DNAH9: variants seen among roughly 807,000 people sequenced by gnomAD.
DNAH9 encodes DNAH9 variant protein.
A neutral mutation model predicts 471.6 loss-of-function variants in DNAH9; 345 were observed. The ratio of observed to expected loss-of-function variants is 0.73; its 90% CI spans 0.67 to 0.80. The LOEUF (loss-of-function observed/expected upper bound fraction) is 0.80, where lower values mean the gene tolerates loss of function less well. DNAH9 is among the 30% of genes least tolerant of loss of function. DNAH9 has a pLI of 0.00. For synonymous variants in DNAH9, 2,093 were observed against 2,123.6 expected (o/e 0.99, Z 0.40); for missense variants, 5,407 against 5,609.2 (o/e 0.96, Z 1.15).
intron 12 of DNAH9, among the ~76,000 whole-genome samples, chr17:11,648,685 A>G (rs1299206800): frequency 6.6e-6 from 1 of 152,126 alleles, no homozygotes; most frequent in Non-Finnish European, 1.5e-5. Context: ...GAGGGAGGAA[A>G]GAAGAAAAAG....
chr17:11,896,819 G>T (rs764863858), intron 59 of DNAH9, among the ~76,000 whole-genome samples: 1 of 152,176 alleles, frequency 6.6e-6, no homozygotes, highest in Non-Finnish European at 1.5e-5. Context: ...GACTGGGCAC[G>T]GTGGCTCACG....
chr17:11,678,407 C>G (rs1053680959), intron 17 of DNAH9, among the ~76,000 whole-genome samples: 1 of 152,194 alleles, frequency 6.6e-6, no homozygotes, highest in Non-Finnish European at 1.5e-5. Context: ...TAGTAAAGGT[C>G]TATTGATGAA....
At chr17:11,773,328 A>C (rs969669672) in intron 38 of DNAH9, among the ~76,000 whole-genome samples, 2 of 152,174 alleles carry the variant, frequency 1.3e-5, no homozygotes, top group East Asian at 3.9e-4. Flanking sequence ...ATGTGTCTGT[A>C]ATGGTAAAAG....
chr17:11,651,745 G>A (rs975405975), intron 13 of DNAH9, among the ~76,000 whole-genome samples: 9 of 152,086 alleles, frequency 5.9e-5, no homozygotes, highest in South Asian at 2.1e-4. Context: ...TGATTAATAC[G>A]CGCAGGGTAC....
At chr17:11,793,343 C>G (rs902024663) in intron 41 of DNAH9, among the ~76,000 whole-genome samples, 160 bp from the exon 42 acceptor site, 1 of 152,128 alleles carries the variant, frequency 6.6e-6, no homozygotes, top group Non-Finnish European at 1.5e-5. Flanking sequence ...TACAAGCTCC[C>G]TTTCAGCTTC....
chr17:11,767,734 T>G (rs2150875551), intron 36 of DNAH9, among the ~76,000 whole-genome samples: 1 of 152,170 alleles, frequency 6.6e-6, no homozygotes, highest in African/African-American at 2.4e-5. Context: ...AATAAGATGG[T>G]TTGAGTACAC....
chr17:11,833,509 G>A (rs1970740374), intron 48 of DNAH9, among the ~76,000 whole-genome samples: 1 of 152,156 alleles, frequency 6.6e-6, no homozygotes, highest in Non-Finnish European at 1.5e-5. Context: ...CTGGAAGTCT[G>A]ATGTTCTATG....
chr17:11,905,659 A>G lies in DNAH9; in HGVS notation c.11601-2A>G. The G allele has an allele frequency of 6.2e-7, 1 of 1,611,772 alleles. No individual in the cohort carries two copies. The highest frequency in any genetic ancestry group is 8.5e-7 in the Non-Finnish European group (1 of 1,179,344). On this transcript the variant is annotated splice_acceptor_variant, in intron 60 of 68. Coordinates refer to ENST00000262442, the MANE Select transcript of DNAH9 (RefSeq NM_001372.4). LOFTEE classifies it high-confidence loss of function. The stretch of plus-strand genomic sequence containing the variant: ...AATCTATATGTGCTTTTTTTCTGGC[A>G]GAGATTTTGTTGAAGAGAAGTTAGG...
At chr17:11,692,190 C>G (rs995297364) in intron 20 of DNAH9, among the ~76,000 whole-genome samples, 2 of 148,048 alleles carry the variant, frequency 1.4e-5, no homozygotes, top group African/African-American at 4.9e-5. Flanking sequence ...CATTCTCTCA[C>G]TTGCAGCTGT....
chr17:11,694,952 G>A (rs951984751), intron 22 of DNAH9, among the ~76,000 whole-genome samples: 1 of 147,634 alleles, frequency 6.8e-6, no homozygotes, highest in Admixed American at 6.9e-5. Context: ...TCAGTGGCAC[G>A]ATCTTGGCTC....
chr17:11,887,059 T>G, intron 57 of DNAH9, 94 bp downstream of exon 57: 2 of 1,457,114 alleles, frequency 1.4e-6, no homozygotes, highest in Non-Finnish European at 1.8e-6. Context: ...TGTAAGATCA[T>G]TAGCTATGGC....
intron 36 of DNAH9, among the ~76,000 whole-genome samples, chr17:11,766,839 G>A (rs907651442): frequency 3.0e-4 from 46 of 152,002 alleles, no homozygotes; most frequent in African/African-American, 6.8e-4. Flanking sequence ...GCATGGTGGC[G>A]GGTGCCTGTA....
intron 4 of DNAH9, chr17:11,612,073 G>C (rs189169595): frequency 3.4e-6 from 2 of 589,052 alleles, no homozygotes; most frequent in Non-Finnish European, 6.0e-6. Context: ...TTCTAGGTCC[G>C]TGTGAGATTA....
intron 52 of DNAH9, among the ~76,000 whole-genome samples, chr17:11,872,610 G>A (rs1458197514): frequency 6.6e-6 from 1 of 152,176 alleles, no homozygotes; most frequent in East Asian, 1.9e-4. Flanking sequence ...CACTTGAGGA[G>A]ATTAGGCTCA....
rs1431025242 is a variant in DNAH9 at position 11,608,273 on chromosome 17, C to T, written c.562C>T (p.Leu188Phe). 1 of 1,613,610 alleles carries T rather than the reference C, an allele frequency of 6.2e-7. No individual in the cohort carries two copies. Among genetic ancestry groups the T allele is most frequent in the Non-Finnish European group, 8.5e-7 (1 of 1,179,794 alleles). ...AGTGAAGGGAAAAACTTTGCTGCCT[C>T]TTCCAGCAGGCTCAGAAAAAATGGA... Reference protein sequence around the residue: ...EQVKGKTLLPLPAGSEKMEFA... With the variant: ...EQVKGKTLLPFPAGSEKMEFA... The change falls in exon 2 of 69, where the codon CTT (leucine) becomes TTT (phenylalanine). Residue 188 changes from leucine to phenylalanine, a missense_variant. By Grantham distance (22) the Leu-to-Phe change is conservative. Around this residue, in one of 3 missense-constraint regions of DNAH9, gnomAD observed 767 missense variants for 692.5 expected, o/e 1.11. Coordinates refer to ENST00000262442, the MANE Select transcript of DNAH9 (RefSeq NM_001372.4).
chr17:11,690,195 A>G lies in DNAH9; in HGVS notation c.4373A>G (p.Asn1458Ser), dbSNP rs1288995242. The change falls in exon 20 of 69, where the codon AAT becomes AGT. Residue 1458 changes from asparagine to serine, a missense_variant. Physicochemically the swap from Asn to Ser is conservative, Grantham distance 46 (BLOSUM62 1). Transcript: ENST00000262442. The part of the protein sequence containing the change: ...EFQYEPHPRT[N>S]VPLLCSDEDL... ...CAGTATGAGCCCCACCCACGGACCA[A>G]TGTCCCCCTCCTGTGCTCTGATGAG... is the stretch of plus-strand genomic sequence containing the variant. 3 of 1,614,102 alleles carry G rather than the reference A, an allele frequency of 1.9e-6. No homozygotes were observed. The highest frequency in any genetic ancestry group is 1.1e-5 in the South Asian group (1 of 91,088).
rs528122698 is a variant in DNAH9, at chr17:11,737,970, C to T, written c.5815-910C>T. On this transcript the variant is annotated intron_variant, in intron 28 of 68. Transcript: ENST00000262442. ...GCAATTTTCTTTAGGCTATGTACTT[C>T]ACAGACTTTATTTCATTTACTTAGA... 4.6e-5 allele frequency among the ~76,000 whole-genome samples: 7 copies of T among 152,300 alleles called. No individual in the cohort carries two copies. The South Asian group carries it at 1.0e-3, about 23-fold the overall frequency.
Position 11,872,306 on chromosome 17 carries a change from A to G in DNAH9, c.10242+520A>G, listed in dbSNP as rs372556677. On this transcript the variant is annotated intron_variant, in intron 52 of 68. Transcript: ENST00000262442. ...CACATGCTTCTTATTTGGGCAGTTC[A>G]GCTTGTCCTCCTCGTGTGGCTAGGT... Among the ~76,000 whole-genome samples, 7 of 151,972 alleles carry G rather than the reference A, an allele frequency of 4.6e-5. No individual in the cohort carries two copies. In the East Asian group the frequency reaches 5.9e-4, roughly 13 times the overall value.
intron 6 of DNAH9, among the ~76,000 whole-genome samples, chr17:11,622,404 G>A (rs1216219901): frequency 6.6e-6 from 1 of 152,120 alleles, no homozygotes; most frequent in African/African-American, 2.4e-5. Flanking sequence ...TTGATGTACA[G>A]CCCTTCACTC....
Sources: allele counts gnomAD v4.1 joint callset (sites outside exome capture counted in the v4.1 genomes callset), GRCh38; gene constraint gnomAD v4.1.1; regional missense constraint gnomAD v4.1.1; transcripts MANE v1.5; gene names NCBI Gene and HGNC (gene_info 2026-07-23, HGNC 2026-07-21).